RMND5A: variants seen among roughly 807,000 people sequenced by gnomAD.
RMND5A encodes the protein required for meiotic nuclear division 5 homolog A, also known as E3 ubiquitin-protein transferase RMND5A.
In RMND5A, 17 loss-of-function variants were observed where a neutral mutation model predicts 49.7. The ratio of observed to expected loss-of-function variants is 0.34; its 90% confidence interval spans 0.23 to 0.51. The LOEUF (loss-of-function observed/expected upper bound fraction) is 0.51, where lower values mean the gene tolerates loss of function less well. RMND5A is among the 20% of genes least tolerant of loss of function. The pLI, the probability that RMND5A is intolerant of heterozygous loss-of-function variation, is 0.96. For synonymous variants in RMND5A, 156 were observed against 167.7 expected (o/e 0.93, Z 0.54); for missense variants, 255 against 471.3 (o/e 0.54, Z 4.25).
At position 86,726,090 on chromosome 2, in the gene RMND5A, A is replaced by G. The variant is rs182432383; in HGVS notation, c.142+5281A>G. On this transcript the variant is annotated intron_variant, in intron 1 of 8. Transcript: ENST00000283632. ...AAAAAAAGAAACTTGTGGAGGTCACATTTTTAACTCATTGCTGTGGTATGA... is the reference window on the plus strand; with the variant it reads ...AAAAAAAGAAACTTGTGGAGGTCACGTTTTTAACTCATTGCTGTGGTATGA... Among the ~76,000 whole-genome samples, 19 of 76,754 alleles carry G rather than the reference A, an allele frequency of 2.5e-4. 6 individuals are homozygous for G. Among genetic ancestry groups the G allele is most frequent in the African/African-American group, 8.8e-4 (17 of 19,422 alleles). 50.4% of individuals were successfully genotyped at this position (76,754 alleles called of 152,430 possible).
intron 4 of RMND5A, 26 bp downstream of exon 4, chr2:86,753,584 G>A: frequency 8.1e-7 from 1 of 1,231,292 alleles, no homozygotes; most frequent in Non-Finnish European, 1.2e-6. Flanking sequence ...GCTTTCTTTT[G>A]AGTACTTTGA....
At chr2:86,760,810 G>A (rs1672469394) in intron 4 of RMND5A, among the ~76,000 whole-genome samples, 1 of 152,216 alleles carries the variant, frequency 6.6e-6, no homozygotes, top group South Asian at 2.1e-4. Flanking sequence ...TAAGCCTACA[G>A]GAAGCTAATG....
At chr2:86,769,273 C>G (rs1003673250) in intron 6 of RMND5A, among the ~76,000 whole-genome samples, 1 of 152,212 alleles carries the variant, frequency 6.6e-6, no homozygotes, top group South Asian at 2.1e-4. Flanking sequence ...AAACCTTATT[C>G]TCAATTCTGT....
At chr2:86,756,977 G>A (rs558663054) in intron 4 of RMND5A, among the ~76,000 whole-genome samples, 17 of 151,968 alleles carry the variant, frequency 1.1e-4, no homozygotes, top group Non-Finnish European at 2.2e-4. Flanking sequence ...AGTTCAAGAC[G>A]AGCCTGACCA....
At chr2:86,765,797 C>G (rs904793441) in intron 5 of RMND5A, 62 bp from the exon 6 acceptor site, 7 of 1,477,462 alleles carry the variant, frequency 4.7e-6, no homozygotes, top group Non-Finnish European at 5.6e-6. Flanking sequence ...TGGGGGTATT[C>G]TTGCTTTTCG....
At chr2:86,752,277 C>T (rs1266058112) in intron 3 of RMND5A, among the ~76,000 whole-genome samples, 1 of 152,132 alleles carries the variant, frequency 6.6e-6, no homozygotes, top group African/African-American at 2.4e-5. Flanking sequence ...AGGTTAGTCC[C>T]AGTTCATGAA....
At position 86,746,550 on chromosome 2, in the gene RMND5A, A is replaced by G. The variant is rs529548459; in HGVS notation, c.286-5346A>G. Among the ~76,000 whole-genome samples, 38 of 152,380 alleles carry G rather than the reference A, an allele frequency of 2.5e-4. No individual in the cohort carries two copies. The South Asian group carries it at 7.5e-3, about 30-fold the overall frequency. On this transcript the variant is annotated intron_variant, in intron 2 of 8. Transcript: ENST00000283632. ...ATGTGAAAACTTAGATTTGTAAGTA[A>G]CCTGCCTGAAGTCACAGAGTTGGGA...
At chr2:86,744,573 G>A (rs1681504588) in intron 2 of RMND5A, among the ~76,000 whole-genome samples, 1 of 152,156 alleles carries the variant, frequency 6.6e-6, no homozygotes, top group South Asian at 2.1e-4. Context: ...ATGCTCAGTG[G>A]TATTTTTCCT....
chr2:86,767,388 C>G (rs1672617482), intron 6 of RMND5A, among the ~76,000 whole-genome samples: 1 of 149,844 alleles, frequency 6.7e-6, no homozygotes, highest in Non-Finnish European at 1.5e-5. Flanking sequence ...TTGGAAGAAT[C>G]ATTAACATAG....
chr2:86,772,890 C>T (rs1558728512), intron 8 of RMND5A, among the ~76,000 whole-genome samples: 1 of 152,108 alleles, frequency 6.6e-6, no homozygotes, highest in Non-Finnish European at 1.5e-5. Context: ...AATTGTTGAT[C>T]TTAGTTCAGG....
intron 4 of RMND5A, among the ~76,000 whole-genome samples, chr2:86,758,233 C>T (rs1459979025): frequency 6.6e-6 from 1 of 152,224 alleles, no homozygotes; most frequent in Non-Finnish European, 1.5e-5. Flanking sequence ...ACTCTCCAAA[C>T]AGGCAGCCAC....
At chr2:86,766,163 T>G in intron 6 of RMND5A, 139 bp downstream of exon 6, 1 of 767,054 alleles carries the variant, frequency 1.3e-6, no homozygotes, top group South Asian at 1.8e-5. Context: ...TCAAAAGATA[T>G]CACAATTGGC....
At position 86,720,758 on chromosome 2, in the gene RMND5A, G is replaced by A. The variant is rs1327628691; in HGVS notation, c.91G>A (p.Glu31Lys). Reference sequence around the variant, plus strand: ...GCAGCTGTGCGAGCGCGGCCTGGAGGAGCTCATCGACTACACCGGCGGCCT... The same window carrying A: ...GCAGCTGTGCGAGCGCGGCCTGGAGAAGCTCATCGACTACACCGGCGGCCT... ...YGQLCERGLEELIDYTGGLKH... is the reference protein window; with the variant it reads ...YGQLCERGLEKLIDYTGGLKH... The change falls in exon 1 of 9, where the codon GAG (glutamate) becomes AAG (lysine). Residue 31 changes from glutamate to lysine, a missense_variant. Transcript: ENST00000283632. 7.5e-6 allele frequency: 12 copies of A among 1,595,384 alleles called. No individual in the cohort carries two copies. Among genetic ancestry groups the A allele is most frequent in the Non-Finnish European group, 1.0e-5 (12 of 1,171,922 alleles).
chr2:86,765,760 C>T (rs1038953417), intron 5 of RMND5A, 99 bp from the exon 6 acceptor site: 3 of 1,004,640 alleles, frequency 3.0e-6, no homozygotes, highest in African/African-American at 1.6e-5. Context: ...CCTGTTAATA[C>T]ATTATTTTAG....
chr2:86,732,460 C>T (rs1271757641), intron 1 of RMND5A, among the ~76,000 whole-genome samples: 3 of 145,126 alleles, frequency 2.1e-5, no homozygotes, highest in Non-Finnish European at 4.5e-5. Context: ...AATCTTGTCA[C>T]GGAGCTGGAC....
At chr2:86,770,888 C>T (rs1252926152) in intron 7 of RMND5A, among the ~76,000 whole-genome samples, 1 of 152,206 alleles carries the variant, frequency 6.6e-6, no homozygotes, top group Non-Finnish European at 1.5e-5. Context: ...AGGCTCTGGC[C>T]TGGAATTGTC....
rs1357717063 is a variant in RMND5A at position 86,762,671 on chromosome 2, TATATATATC to T, written c.522-2347_522-2339del. Reference sequence around the variant, plus strand: ...AAAAAAAAAAATATTTTTTTATATATATATATATCATATATATATCATATATATCATATA... The same window carrying T: ...AAAAAAAAAAATATTTTTTTATATATATATATATATCATATATATCATATA... On this transcript the variant is annotated intron_variant, in intron 4 of 8. Transcript: ENST00000283632. Among the ~76,000 whole-genome samples, 90 of 135,796 alleles carry T rather than the reference TATATATATC, an allele frequency of 6.6e-4. 1 individual carries two copies. Among genetic ancestry groups the T allele is most frequent in the Middle Eastern group, 4.0e-3 (1 of 252 alleles). The allele number at this position is 135,796 out of a possible 152,430, so 89.1% of individuals were successfully genotyped here.
At chr2:86,729,260 C>G (rs1681320577) in intron 1 of RMND5A, among the ~76,000 whole-genome samples, 1 of 152,090 alleles carries the variant, frequency 6.6e-6, no homozygotes, top group Non-Finnish European at 1.5e-5. Flanking sequence ...CCACGGCACA[C>G]AGTGTATAAC....
chr2:86,751,211 C>G (rs1325949406), intron 2 of RMND5A, among the ~76,000 whole-genome samples: 1 of 152,176 alleles, frequency 6.6e-6, no homozygotes, highest in Admixed American at 6.5e-5. Context: ...TCTAACCAGT[C>G]TTTTCTGGGT....
Sources: gnomAD v4.1 joint callset for allele counts (sites outside exome capture counted in the v4.1 genomes callset) on GRCh38, gnomAD v4.1.1 for gene constraint, MANE v1.5 for transcripts, NCBI Gene and HGNC (gene_info 2026-07-23, HGNC 2026-07-21) for gene names.